The following RBFOX1 variants were observed in gnomAD, a reference collection of about 807,000 sequenced individuals.
The protein encoded by RBFOX1 is RNA binding protein fox-1 homolog 1.
In RBFOX1, 8 loss-of-function variants were observed where a neutral mutation model predicts 57.7. That is an observed-to-expected ratio of 0.14 (90% CI 0.08 to 0.25). The LOEUF (loss-of-function observed/expected upper bound fraction) is 0.25. Among genes scored for constraint, RBFOX1 ranks in the 10% least tolerant of loss-of-function variants. RBFOX1 has a pLI of 1.00. For missense variants in RBFOX1, 611 were observed against 548.5 expected (o/e 1.11, Z -1.14); for synonymous variants, 326 against 222.4 (o/e 1.47, Z -4.15).
chr16:5,483,433 G>T (rs992898799), intron 2 of RBFOX1, among the ~76,000 whole-genome samples: 1 of 152,160 alleles, frequency 6.6e-6, no homozygotes, highest in Non-Finnish European at 1.5e-5. Flanking sequence ...TTCCCCATCT[G>T]TAAGATGGAA....
intron 1 of RBFOX1, among the ~76,000 whole-genome samples, chr16:6,041,708 G>A (rs12448620): frequency 0.29 from 43,987 of 151,986 alleles, 7,004 homozygotes; most frequent in Non-Finnish European, 0.37. Flanking sequence ...CTAAGGCTTA[G>A]ATTCAGGGGA....
At chr16:6,576,908 C>G (rs2097447064) in intron 2 of RBFOX1, 1 of 152,168 alleles carries the variant, frequency 6.6e-6, no homozygotes, top group Admixed American at 6.5e-5. Flanking sequence ...TTCCTCATCC[C>G]CAGCAAAGAT....
intron 3 of RBFOX1, among the ~76,000 whole-genome samples, chr16:6,862,573 G>A (rs187369815): frequency 6.4e-4 from 97 of 152,316 alleles, no homozygotes; most frequent in Admixed American, 1.0e-3. Flanking sequence ...AGATTTCCAG[G>A]AAGAAAAGAG....
At chr16:5,527,487 A>G (rs1042804736) in intron 2 of RBFOX1, among the ~76,000 whole-genome samples, 1 of 152,202 alleles carries the variant, frequency 6.6e-6, no homozygotes, top group African/African-American at 2.4e-5. Context: ...TCTGTGATTT[A>G]GAACAGCTGT....
intron 4 of RBFOX1, among the ~76,000 whole-genome samples, chr16:7,075,963 A>C (rs918239878): frequency 6.6e-6 from 1 of 151,690 alleles, no homozygotes; most frequent in Non-Finnish European, 1.5e-5. Context: ...ACACTTTGCC[A>C]CCGTCCTTGC....
chr16:6,010,758 G>C (rs2094956589), intron 4 of RBFOX1, among the ~76,000 whole-genome samples: 1 of 152,158 alleles, frequency 6.6e-6, no homozygotes, highest in Non-Finnish European at 1.5e-5. Flanking sequence ...TTTATGTTCA[G>C]GTTCCAGAAT....
chr16:7,295,734 C>T (rs1267802301), intron 4 of RBFOX1, among the ~76,000 whole-genome samples: 1 of 152,012 alleles, frequency 6.6e-6, no homozygotes, highest in Non-Finnish European at 1.5e-5. Context: ...CACATATGAA[C>T]CAGAAAGAGT....
intron 2 of RBFOX1, among the ~76,000 whole-genome samples, chr16:6,467,139 A>T (rs959410874): frequency 6.6e-6 from 1 of 151,034 alleles, no homozygotes; most frequent in African/African-American, 2.4e-5. Context: ...GTGTAATATA[A>T]TAAAGTTTAC....
At chr16:6,643,235 T>G (rs569570410) in intron 2 of RBFOX1, among the ~76,000 whole-genome samples, 153 of 152,318 alleles carry the variant, frequency 1.0e-3, no homozygotes, top group African/African-American at 3.6e-3. Context: ...TGCATAGGAC[T>G]TGGTGCTTTC....
chr16:7,158,209 G>A (rs537388883), intron 4 of RBFOX1, among the ~76,000 whole-genome samples: 10 of 152,186 alleles, frequency 6.6e-5, no homozygotes, highest in African/African-American at 2.2e-4. Flanking sequence ...AGCCGAGCGT[G>A]CCGGTGGGCT....
At chr16:5,884,001 T>C (rs1201888357) in intron 4 of RBFOX1, among the ~76,000 whole-genome samples, 2 of 152,200 alleles carry the variant, frequency 1.3e-5, no homozygotes, top group Non-Finnish European at 2.9e-5. Context: ...GACTTGGATG[T>C]GATTTCTGGT....
intron 14 of RBFOX1, among the ~76,000 whole-genome samples, chr16:7,688,267 G>GAA: frequency 6.8e-6 from 1 of 147,900 alleles, no homozygotes; most frequent in South Asian, 2.1e-4. Flanking sequence ...GTGTGAGAGA[G>GAA]AGAGAGAGAG....
At chr16:7,329,978 A>C (rs1434825715) in intron 4 of RBFOX1, among the ~76,000 whole-genome samples, 9 of 152,198 alleles carry the variant, frequency 5.9e-5, no homozygotes, top group Non-Finnish European at 1.0e-4. Flanking sequence ...GTTCTGAGAA[A>C]CTGGTCAGGC....
At chr16:7,665,618 G>C (rs1195266373) in intron 13 of RBFOX1, among the ~76,000 whole-genome samples, 1 of 152,010 alleles carries the variant, frequency 6.6e-6, no homozygotes, top group Non-Finnish European at 1.5e-5. Context: ...CTCATTATGA[G>C]AACAAGAATT....
chr16:5,373,863 CA>C (rs755214383), intron 1 of RBFOX1, among the ~76,000 whole-genome samples: 15 of 152,174 alleles, frequency 9.9e-5, no homozygotes, highest in Non-Finnish European at 2.2e-4. Context: ...CGTGGCCTCC[CA>C]AAGTGTTGGG....
intron 2 of RBFOX1, among the ~76,000 whole-genome samples, chr16:5,489,706 C>G (rs2042761938): frequency 6.6e-6 from 1 of 152,192 alleles, no homozygotes; most frequent in Admixed American, 6.5e-5. Context: ...GTGATGACCT[C>G]TCTCGGCCTT....
chr16:6,038,891 T>C (rs2095404569), intron 1 of RBFOX1: 1 of 150,688 alleles, frequency 6.6e-6, no homozygotes, highest in African/African-American at 2.4e-5. Context: ...AGTGATTCTA[T>C]TGGACTCATG....
chr16:5,940,161 C>G (rs2059250677), intron 4 of RBFOX1, among the ~76,000 whole-genome samples: 1 of 152,108 alleles, frequency 6.6e-6, no homozygotes, highest in African/African-American at 2.4e-5. Flanking sequence ...AGGAGGAAGC[C>G]TTAAGAAGTA....
chr16:5,728,152 T>C (rs9925230), intron 3 of RBFOX1, among the ~76,000 whole-genome samples: 63,129 of 152,150 alleles, frequency 0.41, 15,737 homozygotes, highest in East Asian at 0.81. Flanking sequence ...GATATCTGTG[T>C]CATCACGCTC....
Sources: allele counts gnomAD v4.1 joint callset (sites outside exome capture counted in the v4.1 genomes callset), GRCh38; gene constraint gnomAD v4.1.1; transcripts MANE v1.5; gene names NCBI Gene and HGNC (gene_info 2026-07-23, HGNC 2026-07-21).